The following CHRNA7 variants were observed in gnomAD, a reference collection of about 807,000 sequenced individuals.
CHRNA7 encodes the protein cholinergic receptor nicotinic alpha 7 subunit, also known as neuronal acetylcholine receptor subunit alpha-7.
Under a neutral mutation model 48.0 loss-of-function variants are expected in CHRNA7, and 17 were observed. The ratio of observed to expected loss-of-function variants is 0.35; its 90% confidence interval spans 0.24 to 0.53. The LOEUF (loss-of-function observed/expected upper bound fraction) is 0.53, where lower values mean the gene tolerates loss of function less well. Ranked by LOEUF, CHRNA7 falls within the 20% of genes least tolerant of loss-of-function variation. CHRNA7 has a pLI of 0.92. For missense variants in CHRNA7, 155 were observed against 577.7 expected (o/e 0.27, Z 7.50); for synonymous variants, 75 against 242.3 (o/e 0.31, Z 6.41).
chr15:32,166,580 T>C (rs2052162639), intron 9 of CHRNA7: 1 of 152,092 alleles, frequency 6.6e-6, no homozygotes, highest in South Asian at 2.1e-4. Flanking sequence ...AACTGCACAA[T>C]TTACTATCTG....
chr15:32,039,251 C>A (rs2049405398), intron 2 of CHRNA7, among the ~76,000 whole-genome samples: 1 of 152,000 alleles, frequency 6.6e-6, no homozygotes, highest in Non-Finnish European at 1.5e-5. Context: ...TTCCTGTTTA[C>A]AATTTTGTTG....
At chr15:32,158,996 A>G (rs2051839207) in intron 7 of CHRNA7, 1 of 245,894 alleles carries the variant, frequency 4.1e-6, no homozygotes, top group Non-Finnish European at 7.7e-6. Context: ...TACCCAGTGT[A>G]ATTCTTACGA....
Position 32,101,457 on chromosome 15 carries a change from A to AAG in CHRNA7, c.240+111_240+112insGA, listed in dbSNP as rs151204095. On this transcript the variant is annotated intron_variant, in intron 3 of 9. Coordinates refer to ENST00000306901, the MANE Select transcript of CHRNA7 (RefSeq NM_000746.6). ...TCTGAGAGGTCCTGTTTAGGAAAAA[A>AAG]AACCAAAAAAACAAAAGGCCATGGC... is the stretch of plus-strand genomic sequence containing the variant. 0.19 allele frequency: 226,928 copies of AAG among 1,201,912 alleles called. 21,729 individuals carry two copies. Among genetic ancestry groups the AAG allele is most frequent in the Middle Eastern group, 0.24 (1,016 of 4,300 alleles). 74.5% of individuals were successfully genotyped at this position (1,201,912 alleles called of 1,614,324 possible).
chr15:32,131,244 A>C (rs1029306803), intron 4 of CHRNA7, among the ~76,000 whole-genome samples: 1 of 152,126 alleles, frequency 6.6e-6, no homozygotes, highest in African/African-American at 2.4e-5. Flanking sequence ...GAAAATTTTT[A>C]ATAATTTCTT....
rs2051563210 is a variant in CHRNA7 at position 32,149,179 on chromosome 15, A to G, written c.351-4728A>G. On this transcript the variant is annotated intron_variant, in intron 4 of 9. Coordinates refer to ENST00000306901, the MANE Select transcript of CHRNA7 (RefSeq NM_000746.6). The surrounding 1 kb of genome is among the most constrained non-coding windows in gnomAD (Gnocchi z 4.6). Reference sequence around the variant, plus strand: ...ATGTACTGTGTCTTCCAGTAGTCAAAATAAAGAATATATTTGGCCATTTTC... The same window carrying G: ...ATGTACTGTGTCTTCCAGTAGTCAAGATAAAGAATATATTTGGCCATTTTC... 6.6e-6 allele frequency among the ~76,000 whole-genome samples: 1 copy of G among 152,258 alleles called. No homozygotes were observed. Among genetic ancestry groups the G allele is most frequent in the East Asian group, 1.9e-4 (1 of 5,196 alleles).
rs146227171 is a variant in CHRNA7, at chr15:32,121,600, AAGAG to A, written c.350+9708_350+9711del. Reference sequence around the variant, plus strand: ...GACATAACATCTTAGAAAGATCTGGAAGAGAGAGAGCCTCATCCAGTGGGAGGGT... The same window carrying A: ...GACATAACATCTTAGAAAGATCTGGAAGAGAGCCTCATCCAGTGGGAGGGT... On this transcript the variant is annotated intron_variant, in intron 4 of 9. Coordinates refer to ENST00000306901, the MANE Select transcript of CHRNA7 (RefSeq NM_000746.6). 2.7e-3 allele frequency among the ~76,000 whole-genome samples: 411 copies of A among 152,296 alleles called. 3 individuals are homozygous for A. Among genetic ancestry groups the A allele is most frequent in the African/African-American group, 8.6e-3 (357 of 41,558 alleles).
intron 4 of CHRNA7, among the ~76,000 whole-genome samples, chr15:32,121,668 G>GGACA (rs2050972961): frequency 6.6e-6 from 1 of 152,202 alleles, no homozygotes; most frequent in Admixed American, 6.5e-5. Context: ...ATACGTCTTG[G>GGACA]TCTGTCTGGG....
At chr15:32,035,756 T>A (rs946995364) in intron 2 of CHRNA7, among the ~76,000 whole-genome samples, 1 of 152,234 alleles carries the variant, frequency 6.6e-6, no homozygotes, top group African/African-American at 2.4e-5. Context: ...GAAGGTATAA[T>A]CAGGTATTGA....
chr15:32,116,559 G>A (rs1192655097), intron 4 of CHRNA7, among the ~76,000 whole-genome samples: 1 of 152,176 alleles, frequency 6.6e-6, no homozygotes, highest in Non-Finnish European at 1.5e-5. Context: ...ACACCATCTT[G>A]CCTAAAGTGG....
At chr15:32,066,422 C>T (rs1045001732) in intron 2 of CHRNA7, among the ~76,000 whole-genome samples, 2 of 152,128 alleles carry the variant, frequency 1.3e-5, no homozygotes, top group South Asian at 2.1e-4. Context: ...GCTGGGATTA[C>T]AGGCATGTGC....
At position 32,136,430 on chromosome 15, in the gene CHRNA7, G is replaced by A. The variant is rs149986860; in HGVS notation, c.351-17477G>A. Among the ~76,000 whole-genome samples the A allele has an allele frequency of 2.4e-3, 369 of 150,836 alleles. 1 individual carries two copies. The highest frequency in any genetic ancestry group is 8.7e-3 in the African/African-American group (356 of 41,060). On this transcript the variant is annotated intron_variant, in intron 4 of 9. Transcript: ENST00000306901. Reference sequence around the variant, plus strand: ...CGCTTGAACCCAGGAGGCAGAGGTTGCAGTGAGCTGAGATAGCACCACTGC... The same window carrying A: ...CGCTTGAACCCAGGAGGCAGAGGTTACAGTGAGCTGAGATAGCACCACTGC...
chr15:32,141,745 A>G (rs2051383226), intron 4 of CHRNA7, among the ~76,000 whole-genome samples: 1 of 152,192 alleles, frequency 6.6e-6, no homozygotes, highest in Non-Finnish European at 1.5e-5. Flanking sequence ...GTGTATAGGA[A>G]TGCTTGTGAT....
intron 2 of CHRNA7, among the ~76,000 whole-genome samples, chr15:32,048,066 C>G (rs1463871986): frequency 7.9e-5 from 12 of 152,012 alleles, no homozygotes; most frequent in Non-Finnish European, 1.6e-4. Context: ...TGCTGGATTC[C>G]GTTTGCCAGT....
chr15:32,147,490 C>T (rs924639784), intron 4 of CHRNA7, among the ~76,000 whole-genome samples: 3 of 152,170 alleles, frequency 2.0e-5, no homozygotes. Flanking sequence ...GAGTTTGAGG[C>T]TCCAGTGAGC....
At chr15:32,115,769 T>C (rs2050859623) in intron 4 of CHRNA7, among the ~76,000 whole-genome samples, 1 of 151,964 alleles carries the variant, frequency 6.6e-6, no homozygotes, top group African/African-American at 2.4e-5. Flanking sequence ...TTGATACACA[T>C]TTATGCAAAG....
chr15:32,106,193 G>C (rs1167698285), intron 3 of CHRNA7, among the ~76,000 whole-genome samples: 2 of 152,192 alleles, frequency 1.3e-5, no homozygotes, highest in Admixed American at 6.5e-5. Context: ...GGTTCTGAGG[G>C]GGGTGCAAAT....
At chr15:32,056,717 A>C (rs1177398110) in intron 2 of CHRNA7, among the ~76,000 whole-genome samples, 1 of 152,200 alleles carries the variant, frequency 6.6e-6, no homozygotes, top group Non-Finnish European at 1.5e-5. Context: ...GCTCTGTTTC[A>C]GGTCATCACT....
intron 2 of CHRNA7, among the ~76,000 whole-genome samples, chr15:32,065,175 T>C (rs1003133687): frequency 1.3e-5 from 2 of 152,202 alleles, no homozygotes; most frequent in Non-Finnish European, 2.9e-5. Context: ...CAGTGACTTT[T>C]GTGACATTTT....
At chr15:32,148,261 C>CA (rs2141351748) in intron 4 of CHRNA7, among the ~76,000 whole-genome samples, 1 of 152,276 alleles carries the variant, frequency 6.6e-6, no homozygotes, top group Non-Finnish European at 1.5e-5. Flanking sequence ...TTCTGGTGAA[C>CA]ACGTGCCCTA....
Sources: allele counts gnomAD v4.1 joint callset (sites outside exome capture counted in the v4.1 genomes callset), GRCh38; gene constraint gnomAD v4.1.1; non-coding constraint Gnocchi (gnomAD v3.1); transcripts MANE v1.5; gene names NCBI Gene and HGNC (gene_info 2026-07-23, HGNC 2026-07-21).